The following MAD1L1 variants were observed in gnomAD, a reference collection of about 807,000 sequenced individuals.
The protein encoded by MAD1L1 is mitotic arrest deficient 1 like 1.
In MAD1L1, 95 loss-of-function variants were observed where a neutral mutation model predicts 96.9. That is an observed-to-expected ratio of 0.98 (90% confidence interval 0.83 to 1.16). MAD1L1 has a LOEUF of 1.16. MAD1L1 is among the 50% of genes most tolerant of loss of function. MAD1L1 has a pLI of 0.00. For synonymous variants in MAD1L1, 473 were observed against 396.6 expected (o/e 1.19, Z -2.29); for missense variants, 1,007 against 954.4 (o/e 1.06, Z -0.73).
rs1793852112 is a variant in MAD1L1, at chr7:2,225,612, G to A, written c.151-62C>T. ...AGTGACGGCATCAAACCAGGTGAGTGACTCAGTGCAGCAGACACACTCCCT... is the reference window on the plus strand; with the variant it reads ...AGTGACGGCATCAAACCAGGTGAGTAACTCAGTGCAGCAGACACACTCCCT... On this transcript the variant is annotated intron_variant, in intron 3 of 18. Transcript: ENST00000265854. 4 of 1,566,678 alleles carry A rather than the reference G, an allele frequency of 2.6e-6. No individual in the cohort carries two copies. In the South Asian group the frequency reaches 3.4e-5, roughly 13 times the overall value.
intron 11 of MAD1L1, among the ~76,000 whole-genome samples, chr7:2,073,334 T>C (rs1472444771): frequency 6.6e-6 from 1 of 152,214 alleles, no homozygotes; most frequent in Non-Finnish European, 1.5e-5. Context: ...TAGGCTTTGT[T>C]AAAGATCTGC....
At chr7:1,953,181 G>C (rs1293824078) in intron 16 of MAD1L1, among the ~76,000 whole-genome samples, 1 of 152,218 alleles carries the variant, frequency 6.6e-6, no homozygotes, top group Non-Finnish European at 1.5e-5. Flanking sequence ...AGGGATGTGA[G>C]GTACCGCACC....
intron 14 of MAD1L1, among the ~76,000 whole-genome samples, chr7:1,983,148 GCGCGCGCACACACA>G (rs1242486201): frequency 0.021 from 880 of 41,556 alleles, 6 homozygotes; most frequent in African/African-American, 0.053. Flanking sequence ...GCGCGCGCGC[GCGCGCGCACACACA>G]CACACACACA....
At chr7:1,879,861 G>C (rs1015196402) in intron 18 of MAD1L1, among the ~76,000 whole-genome samples, 16 of 152,140 alleles carry the variant, frequency 1.1e-4, no homozygotes, top group Non-Finnish European at 5.9e-5. Context: ...CTCCCCAGTA[G>C]CTGGGACTAC....
At chr7:2,069,717 G>A (rs1392829830) in intron 11 of MAD1L1, among the ~76,000 whole-genome samples, 2 of 152,212 alleles carry the variant, frequency 1.3e-5, no homozygotes, top group African/African-American at 4.8e-5. Flanking sequence ...CAAGCGCCAG[G>A]CGCCTGGTTG....
At chr7:2,162,830 A>G in intron 10 of MAD1L1, among the ~76,000 whole-genome samples, 1 of 151,900 alleles carries the variant, frequency 6.6e-6, no homozygotes, top group African/African-American at 2.4e-5. Context: ...TTCAAGCTGC[A>G]AACTTTTTCT....
At chr7:2,099,119 C>T (rs1411388352) in intron 11 of MAD1L1, among the ~76,000 whole-genome samples, 1 of 152,302 alleles carries the variant, frequency 6.6e-6, no homozygotes, top group East Asian at 1.9e-4. Context: ...CACTGAGGCT[C>T]CTAAGCGCAG....
chr7:1,919,043 G>A (rs770767789), intron 17 of MAD1L1, among the ~76,000 whole-genome samples: 13 of 152,248 alleles, frequency 8.5e-5, no homozygotes, highest in African/African-American at 2.2e-4. Context: ...GCCGTGATCC[G>A]GCCCCTCCCC....
chr7:1,860,557 G>A lies in MAD1L1; in HGVS notation c.1998+37643C>T, dbSNP rs557907276. Among the ~76,000 whole-genome samples, 8 of 152,196 alleles carry A rather than the reference G, an allele frequency of 5.3e-5. No individual in the cohort carries two copies. In the South Asian group the frequency reaches 1.5e-3, roughly 28 times the overall value. On this transcript the variant is annotated intron_variant, in intron 18 of 18. Transcript: ENST00000265854. ...GGGTGGCCTCTGTTTCCTGTCCCTC[G>A]TCCCTCACAAAACGCTTTGTTCTTC... is the stretch of plus-strand genomic sequence containing the variant.
At chr7:1,824,492 C>T (rs998973595) in intron 18 of MAD1L1, among the ~76,000 whole-genome samples, 5 of 152,208 alleles carry the variant, frequency 3.3e-5, no homozygotes, top group Admixed American at 2.0e-4. Context: ...GCCATGAGGA[C>T]AGCAGCTGCC....
chr7:2,220,892 A>T lies in MAD1L1; in HGVS notation c.472-1436T>A, dbSNP rs745865425. 1.9e-6 allele frequency: 3 copies of T among 1,610,572 alleles called. No individual in the cohort carries two copies. The East Asian group carries it at 6.7e-5, about 36-fold the overall frequency. ...ACTCAATTAATACGCACCGTGTGCC[A>T]GGGGCAAGGCCAGATGCAGGGCCGA... On this transcript the variant is annotated intron_variant, in intron 5 of 18. Transcript: ENST00000265854.
rs546948389 is a variant in MAD1L1 at position 1,903,523 on chromosome 7, G to A, written c.1808-5133C>T. 4.4e-3 allele frequency among the ~76,000 whole-genome samples: 617 copies of A among 140,938 alleles called. 23 individuals carry two copies. Among genetic ancestry groups the A allele is most frequent in the African/African-American group, 0.018 (596 of 33,698 alleles). 92.5% of individuals were successfully genotyped at this position (140,938 alleles called of 152,430 possible). A position where few individuals can be genotyped will look rare whatever the true frequency, so the allele number is the denominator to read the frequency against. ...AAGCACTGTTCCAGGCAGCGAGGACGCAGTGGCCTATGGAAGACGCTCTTG... is the reference window on the plus strand; with the variant it reads ...AAGCACTGTTCCAGGCAGCGAGGACACAGTGGCCTATGGAAGACGCTCTTG... On this transcript the variant is annotated intron_variant, in intron 17 of 18. Transcript: ENST00000265854.
chr7:2,127,908 C>T (rs986917846), intron 11 of MAD1L1, among the ~76,000 whole-genome samples: 1 of 152,162 alleles, frequency 6.6e-6, no homozygotes, highest in Non-Finnish European at 1.5e-5. Context: ...GAACTGACTC[C>T]GACCAGCGGC....
At chr7:1,840,507 A>G (rs1478353302) in intron 18 of MAD1L1, among the ~76,000 whole-genome samples, 1 of 152,214 alleles carries the variant, frequency 6.6e-6, no homozygotes, top group Non-Finnish European at 1.5e-5. Flanking sequence ...AGGCAGATGG[A>G]TCACCTGAGC....
chr7:1,969,515 G>T (rs1780314674), intron 15 of MAD1L1, among the ~76,000 whole-genome samples: 1 of 152,164 alleles, frequency 6.6e-6, no homozygotes, highest in East Asian at 1.9e-4. Flanking sequence ...ATTCAACATA[G>T]CCAGAACAAT....
At chr7:2,029,514 T>G (rs1192603903) in intron 12 of MAD1L1, among the ~76,000 whole-genome samples, 2 of 152,138 alleles carry the variant, frequency 1.3e-5, no homozygotes. Flanking sequence ...AGATGTACTC[T>G]CAGGACAAAG....
At chr7:1,909,476 G>A (rs1309040060) in intron 17 of MAD1L1, among the ~76,000 whole-genome samples, 1 of 152,224 alleles carries the variant, frequency 6.6e-6, no homozygotes, top group Non-Finnish European at 1.5e-5. Flanking sequence ...CATTGCAGTG[G>A]TTATGGCTGT....
rs868864906 is a variant in MAD1L1 at position 1,878,739 on chromosome 7, C to G, written c.1998+19461G>C. Among the ~76,000 whole-genome samples, 18 of 148,670 alleles carry G rather than the reference C, an allele frequency of 1.2e-4. 1 individual carries two copies. The highest frequency in any genetic ancestry group is 2.0e-4 in the Admixed American group (3 of 15,040). On this transcript the variant is annotated intron_variant, in intron 18 of 18. Transcript: ENST00000265854. Reference sequence around the variant, plus strand: ...GAAACAAGGTAAAAATGTCCCCCCCCCCCCATTCTTATTCAGCACTGTACT... The same window carrying G: ...GAAACAAGGTAAAAATGTCCCCCCCGCCCCATTCTTATTCAGCACTGTACT...
chr7:1,878,737 C>G (rs995465610), intron 18 of MAD1L1, among the ~76,000 whole-genome samples: 2 of 147,740 alleles, frequency 1.4e-5, no homozygotes, highest in African/African-American at 2.5e-5. Context: ...AATGTCCCCC[C>G]CCCCCCATTC....
Sources: gnomAD v4.1 joint callset for allele counts (sites outside exome capture counted in the v4.1 genomes callset) on GRCh38, gnomAD v4.1.1 for gene constraint, MANE v1.5 for transcripts, NCBI Gene and HGNC (gene_info 2026-07-23, HGNC 2026-07-21) for gene names.